Variants in NRG1 observed in about 807,000 individuals in gnomAD.
NRG1 encodes neuregulin 1.
NRG1 carries 18 observed loss-of-function variants against 63.8 expected under a neutral mutation model. The ratio of observed to expected loss-of-function variants is 0.28; its 90% confidence interval spans 0.19 to 0.42. The LOEUF is 0.42. NRG1 is among the 10% of genes least tolerant of loss of function. NRG1 has a pLI of 1.00. For missense variants in NRG1, 762 were observed against 814.7 expected, an observed-to-expected ratio of 0.94 and a Z score of 0.79; for synonymous variants, 302 against 301.3, an observed-to-expected ratio of 1.00 and a Z score of -0.02.
chr8:31,906,247 G>A (rs1832510482), intron 1 of NRG1, among the ~76,000 whole-genome samples: 1 of 152,172 alleles, frequency 6.6e-6, no homozygotes, highest in South Asian at 2.1e-4. Flanking sequence ...TCCTTACCAC[G>A]TGGGATTCTC....
At chr8:32,379,686 T>G (rs1203750197) in intron 1 of NRG1, among the ~76,000 whole-genome samples, 1 of 152,198 alleles carries the variant, frequency 6.6e-6, no homozygotes, top group African/African-American at 2.4e-5. Context: ...TCACTGAAGA[T>G]ATTAACAAAT....
At chr8:32,347,831 G>A (rs1012286383) in intron 1 of NRG1, among the ~76,000 whole-genome samples, 1 of 152,138 alleles carries the variant, frequency 6.6e-6, no homozygotes, top group Non-Finnish European at 1.5e-5. Flanking sequence ...ATCTGAAATG[G>A]TCGTGACTAC....
chr8:31,651,096 G>A (rs2130880168), intron 1 of NRG1, among the ~76,000 whole-genome samples: 1 of 152,206 alleles, frequency 6.6e-6, no homozygotes, highest in Middle Eastern at 3.4e-3. Context: ...ACACATGTGG[G>A]AAAACAACTG....
At chr8:32,648,160 A>C (rs750251886) in intron 5 of NRG1, 1 of 1,614,086 alleles carries the variant, frequency 6.2e-7, no homozygotes, top group Non-Finnish European at 8.5e-7. Flanking sequence ...TCTAGGGCTC[A>C]ATCTGAAAGT....
chr8:32,518,822 T>C (rs1006944029), intron 1 of NRG1, among the ~76,000 whole-genome samples: 2 of 152,168 alleles, frequency 1.3e-5, no homozygotes, highest in Non-Finnish European at 2.9e-5. Flanking sequence ...TACAAAGATG[T>C]GAATAAGATC....
intron 1 of NRG1, among the ~76,000 whole-genome samples, chr8:32,133,100 T>C (rs1258479806): frequency 6.6e-6 from 1 of 152,104 alleles, no homozygotes; most frequent in East Asian, 1.9e-4. Flanking sequence ...AGCTGGATTT[T>C]ATTTCAGAAC....
At chr8:31,921,554 C>T (rs1270865876) in intron 1 of NRG1, among the ~76,000 whole-genome samples, 1 of 152,128 alleles carries the variant, frequency 6.6e-6, no homozygotes, top group Admixed American at 6.6e-5. Context: ...GGACAGACCT[C>T]TGGCATCATA....
At position 31,954,782 on chromosome 8, in the gene NRG1, C is replaced by A. The variant is rs1175074107; in HGVS notation, c.37+315351C>A. 2.6e-5 allele frequency among the ~76,000 whole-genome samples: 4 copies of A among 152,230 alleles called. No homozygotes were observed. In the South Asian group the frequency reaches 6.2e-4, roughly 24 times the overall value. ...TGATCTGTGGGACATAGAACATTTT[C>A]TTGACAAGATAGCGATTTCCCCTAG... On this transcript the variant is annotated intron_variant, in intron 1 of 10. Transcript: ENST00000519301.
intron 11 of NRG1, chr8:32,763,269 C>T (rs1831039415): frequency 1.2e-6 from 2 of 1,613,708 alleles, no homozygotes; most frequent in African/African-American, 1.3e-5. Flanking sequence ...GATCCAAATG[C>T]ATGCAGATCC....
intron 1 of NRG1, among the ~76,000 whole-genome samples, chr8:31,936,514 A>G (rs1409379125): frequency 6.6e-6 from 1 of 152,212 alleles, no homozygotes; most frequent in Non-Finnish European, 1.5e-5. Context: ...GGGAGAACAA[A>G]ACAACACATC....
At chr8:32,719,601 A>T (rs1259446118) in intron 5 of NRG1, among the ~76,000 whole-genome samples, 1 of 152,112 alleles carries the variant, frequency 6.6e-6, no homozygotes, top group African/African-American at 2.4e-5. Context: ...CAGATTTCCT[A>T]CATTTGTAAC....
At position 31,640,773 on chromosome 8, in the gene NRG1, G is replaced by A; in HGVS notation, c.37+1342G>A. 1.4e-6 allele frequency: 2 copies of A among 1,456,036 alleles called. No homozygotes were observed. The highest frequency in any genetic ancestry group is 2.7e-5 in the East Asian group (1 of 37,594). 90.2% of individuals were successfully genotyped at this position (1,456,036 alleles called of 1,614,324 possible). ...GGGGCGCGAACCCGCGGCGAGGAGG[G>A]CGCATCCCGGGCGCGCGGGCAGCGG... On this transcript the variant is annotated intron_variant, in intron 1 of 10. Coordinates refer to the NRG1 transcript ENST00000519301. The surrounding 1 kb of genome is among the most constrained non-coding windows in gnomAD (Gnocchi z 6.3).
chr8:32,342,740 T>C (rs1804230244), intron 1 of NRG1, among the ~76,000 whole-genome samples: 1 of 152,246 alleles, frequency 6.6e-6, no homozygotes, highest in Admixed American at 6.5e-5. Context: ...TAAATATGAC[T>C]ACATGAAAGT....
intron 1 of NRG1, among the ~76,000 whole-genome samples, chr8:31,810,927 A>C (rs1169820107): frequency 6.6e-6 from 1 of 152,172 alleles, no homozygotes; most frequent in East Asian, 1.9e-4. Flanking sequence ...CTTTACTGTG[A>C]ATCTGGAGTC....
chr8:32,122,355 G>A (rs575598706), intron 1 of NRG1, among the ~76,000 whole-genome samples: 1 of 151,972 alleles, frequency 6.6e-6, no homozygotes, highest in African/African-American at 2.4e-5. Context: ...AATGTTAAGA[G>A]GTACTATAAT....
chr8:31,674,661 C>A (rs1807498148), intron 1 of NRG1, among the ~76,000 whole-genome samples: 1 of 151,916 alleles, frequency 6.6e-6, no homozygotes, highest in East Asian at 1.9e-4. Flanking sequence ...CCTAGTGATA[C>A]CTAGCATATA....
chr8:31,885,094 A>G (rs1830619839), intron 1 of NRG1, among the ~76,000 whole-genome samples: 1 of 152,144 alleles, frequency 6.6e-6, no homozygotes. Flanking sequence ...CAACCACTGA[A>G]TTTAATGCTA....
chr8:32,240,558 C>G (rs1456014032), intron 1 of NRG1, among the ~76,000 whole-genome samples: 1 of 152,066 alleles, frequency 6.6e-6, no homozygotes, highest in Non-Finnish European at 1.5e-5. Flanking sequence ...CACACATACA[C>G]ATATGAGTGC....
chr8:32,006,605 T>C (rs1321173294), intron 1 of NRG1, among the ~76,000 whole-genome samples: 1 of 151,980 alleles, frequency 6.6e-6, no homozygotes, highest in Non-Finnish European at 1.5e-5. Context: ...ACTTGAGCTG[T>C]TGCTGGTTTG....
Sources: allele counts gnomAD v4.1 joint callset (sites outside exome capture counted in the v4.1 genomes callset), GRCh38; gene constraint gnomAD v4.1.1; non-coding constraint Gnocchi (gnomAD v3.1); transcripts MANE v1.5; gene names NCBI Gene and HGNC (gene_info 2026-07-23, HGNC 2026-07-21).